The following EPB41L1 variants were observed in gnomAD, a reference collection of about 807,000 sequenced individuals.
EPB41L1 encodes the protein band 4.1-like protein 1.
A neutral mutation model predicts 97.8 loss-of-function variants in EPB41L1; 29 were observed. That is an observed-to-expected ratio of 0.30 (90% CI 0.22 to 0.40). The LOEUF (loss-of-function observed/expected upper bound fraction) is 0.40. Ranked by LOEUF, EPB41L1 falls within the 10% of genes least tolerant of loss-of-function variation. The pLI is 1.00. For synonymous variants in EPB41L1, 383 were observed against 459.2 expected (o/e 0.83, Z 2.12); for missense variants, 812 against 1,162.3 (o/e 0.70, Z 4.38).
intron 2 of EPB41L1, among the ~76,000 whole-genome samples, chr20:36,145,834 G>A (rs1207719639): frequency 1.3e-5 from 2 of 152,176 alleles, no homozygotes; most frequent in East Asian, 1.9e-4. Context: ...AGTGCACTTG[G>A]TTTGTCATTC....
At chr20:36,216,943 G>A (rs1400966950) in intron 17 of EPB41L1, among the ~76,000 whole-genome samples, 1 of 152,196 alleles carries the variant, frequency 6.6e-6, no homozygotes, top group Non-Finnish European at 1.5e-5. Context: ...CTAGCCAATG[G>A]TTCTCAAAAT....
chr20:36,153,688 A>G (rs1476845381), upstream of EPB41L1, among the ~76,000 whole-genome samples: 2 of 152,164 alleles, frequency 1.3e-5, no homozygotes, highest in Non-Finnish European at 2.9e-5. Context: ...CGTCATTTGC[A>G]AATGAGGCCC....
chr20:36,141,566 TGGG>T (rs1569114963), intron 2 of EPB41L1, among the ~76,000 whole-genome samples: 3 of 152,056 alleles, frequency 2.0e-5, no homozygotes, highest in Non-Finnish European at 4.4e-5. Context: ...TGCTGAAAGG[TGGG>T]GGCTCTAGTG....
chr20:36,125,315 C>T (rs1191416538), intron 2 of EPB41L1: 14 of 651,130 alleles, frequency 2.2e-5, no homozygotes, highest in Non-Finnish European at 3.9e-5. Flanking sequence ...TAGGGGTGAC[C>T]TAAGAGTCAG....
chr20:36,194,105 A>C, intron 11 of EPB41L1, 107 bp from the exon 12 acceptor site: 1 of 1,456,284 alleles, frequency 6.9e-7, no homozygotes, highest in Non-Finnish European at 9.5e-7. Context: ...AGGGGTGTGG[A>C]AGAGTTGGCT....
chr20:36,205,059 G>T (rs1462576789), intron 14 of EPB41L1, among the ~76,000 whole-genome samples: 1 of 152,136 alleles, frequency 6.6e-6, no homozygotes, highest in East Asian at 1.9e-4. Flanking sequence ...AATGGGCCCT[G>T]GTATTTGTTT....
rs923240133 is a variant in EPB41L1 at position 36,206,711 on chromosome 20, C to T, written c.1669-2777C>T. Reference sequence around the variant, plus strand: ...GGAGGACCTGGTGACCTGAAGGGATCTCCCGCAGGACAGACGTTTGCTGAA... The same window carrying T: ...GGAGGACCTGGTGACCTGAAGGGATTTCCCGCAGGACAGACGTTTGCTGAA... On this transcript the variant is annotated intron_variant, in intron 14 of 21. Transcript: ENST00000338074. This position sits in a 1 kb window ranked among gnomAD's most constrained non-coding sequence, Gnocchi z 5.5. 1.6e-6 allele frequency: 2 copies of T among 1,289,838 alleles called. No individual in the cohort carries two copies. The highest frequency in any genetic ancestry group is 2.3e-5 in the Admixed American group (1 of 43,574). 79.9% of individuals were successfully genotyped at this position (1,289,838 alleles called of 1,614,324 possible).
At chr20:36,199,990 C>T (rs1569294130) in intron 14 of EPB41L1, among the ~76,000 whole-genome samples, 1 of 152,166 alleles carries the variant, frequency 6.6e-6, no homozygotes, top group Non-Finnish European at 1.5e-5. Context: ...CCTCCCAGCC[C>T]TGCTCAGCCG....
Position 36,206,031 on chromosome 20 carries a change from A to C in EPB41L1, c.1669-3457A>C. 1.6e-6 allele frequency: 2 copies of C among 1,289,916 alleles called. No homozygotes were observed. Among genetic ancestry groups the C allele is most frequent in the South Asian group, 2.5e-5 (2 of 81,038 alleles). 79.9% of individuals were successfully genotyped at this position (1,289,916 alleles called of 1,614,324 possible). The stretch of plus-strand genomic sequence containing the variant: ...AGTTCAAAGTGGAAGTGGCCACAGA[A>C]GAAATGGTGGGAAACAGAAGAGCAA... On this transcript the variant is annotated intron_variant, in intron 14 of 21. Coordinates refer to ENST00000338074, the MANE Select transcript of EPB41L1 (RefSeq NM_012156.2). The surrounding 1 kb of genome is among the most constrained non-coding windows in gnomAD (Gnocchi z 5.5).
chr20:36,195,811 C>T lies in EPB41L1; in HGVS notation c.1485+447C>T, dbSNP rs997006396. On this transcript the variant is annotated intron_variant, in intron 13 of 21. Coordinates refer to ENST00000338074, the MANE Select transcript of EPB41L1 (RefSeq NM_012156.2). This position sits in a 1 kb window ranked among gnomAD's most constrained non-coding sequence, Gnocchi z 4.6. ...CCATCTCGTCTGTGTCCCCTGTGTCCTCACCCCTAGCTTCTTTTTGTATCT... is the reference window on the plus strand; with the variant it reads ...CCATCTCGTCTGTGTCCCCTGTGTCTTCACCCCTAGCTTCTTTTTGTATCT... Among the ~76,000 whole-genome samples, 16 of 152,160 alleles carry T rather than the reference C, an allele frequency of 1.1e-4. No homozygotes were observed. Among genetic ancestry groups the T allele is most frequent in the African/African-American group, 3.6e-4 (15 of 41,430 alleles).
At chr20:36,177,867 A>T in intron 3 of EPB41L1, 85 bp from the exon 4 acceptor site, 1 of 1,130,974 alleles carries the variant, frequency 8.8e-7, no homozygotes. Context: ...GGGGTTTTTG[A>T]ATTGTCCTGG....
intron 2 of EPB41L1, among the ~76,000 whole-genome samples, chr20:36,149,069 G>A (rs947705644): frequency 6.6e-6 from 1 of 152,190 alleles, no homozygotes; most frequent in African/African-American, 2.4e-5. Context: ...GGAGCTTGGA[G>A]CATGCCAGCA....
chr20:36,188,934 G>T (rs934878484), intron 9 of EPB41L1, among the ~76,000 whole-genome samples: 3 of 151,718 alleles, frequency 2.0e-5, no homozygotes, highest in African/African-American at 7.3e-5. Flanking sequence ...ATACATTCAG[G>T]TCACACAGAT....
chr20:36,141,386 T>C (rs2059633353), intron 2 of EPB41L1, among the ~76,000 whole-genome samples: 1 of 152,170 alleles, frequency 6.6e-6, no homozygotes, highest in Non-Finnish European at 1.5e-5. Flanking sequence ...GGGACTCTGT[T>C]AGGTTTCTAT....
At chr20:36,108,402 C>T (rs536644127) in intron 1 of EPB41L1, among the ~76,000 whole-genome samples, 43 of 152,058 alleles carry the variant, frequency 2.8e-4, no homozygotes, top group East Asian at 3.9e-4. Context: ...AGGCCAGGCA[C>T]GATGGCTCAC....
intron 1 of EPB41L1, among the ~76,000 whole-genome samples, chr20:36,107,274 G>A (rs1209690471): frequency 7.0e-6 from 1 of 143,120 alleles, no homozygotes; most frequent in Non-Finnish European, 1.5e-5. Flanking sequence ...AGGCTGGAGT[G>A]CAATGGCATG....
At chr20:36,217,492 C>T (rs965834480) in intron 17 of EPB41L1, among the ~76,000 whole-genome samples, 6 of 152,106 alleles carry the variant, frequency 3.9e-5, no homozygotes, top group South Asian at 4.1e-4. Flanking sequence ...GAGGGTGCCT[C>T]GTTTTGAATG....
At position 36,212,173 on chromosome 20, in the gene EPB41L1, G is replaced by T. The variant is rs906369719; in HGVS notation, c.2080-99G>T. 3 of 1,121,456 alleles carry T rather than the reference G, an allele frequency of 2.7e-6. No individual in the cohort carries two copies. The allele number at this position is 1,121,456 out of a possible 1,614,324, so 69.5% of individuals were successfully genotyped here. ...CTTCCAGAGATGTGGCCAGCTGTGGGGATAGGAGATAGCCTGCAGACACCA... is the reference window on the plus strand; with the variant it reads ...CTTCCAGAGATGTGGCCAGCTGTGGTGATAGGAGATAGCCTGCAGACACCA... On this transcript the variant is annotated intron_variant, in intron 15 of 21. Coordinates refer to ENST00000338074, the MANE Select transcript of EPB41L1 (RefSeq NM_012156.2). This position sits in a 1 kb window ranked among gnomAD's most constrained non-coding sequence, Gnocchi z 4.8.
intron 11 of EPB41L1, 68 bp from the exon 12 acceptor site, chr20:36,194,144 G>C (rs1762058124): frequency 6.2e-7 from 1 of 1,607,226 alleles, no homozygotes; most frequent in Admixed American, 1.7e-5. Flanking sequence ...GGCAGGGCTG[G>C]GCTGGTTCTC....
Sources: gnomAD v4.1 joint callset for allele counts (sites outside exome capture counted in the v4.1 genomes callset) on GRCh38, gnomAD v4.1.1 for gene constraint, Gnocchi (gnomAD v3.1) non-coding constraint, MANE v1.5 for transcripts, NCBI Gene and HGNC (gene_info 2026-07-23, HGNC 2026-07-21) for gene names.